Variants in ALMS1 observed in about 807,000 individuals in gnomAD.
The protein encoded by ALMS1 is ALMS1 centrosome and basal body associated protein.
ALMS1 carries 271 observed loss-of-function variants against 352.2 expected under a neutral mutation model. That is an observed-to-expected ratio of 0.77 (90% CI 0.70 to 0.85). The LOEUF (loss-of-function observed/expected upper bound fraction) is 0.85. Among genes scored for constraint, ALMS1 ranks in the 40% least tolerant of loss-of-function variants. The probability of loss-of-function intolerance (pLI) is 0.00; values close to 1 mark genes in which losing one functional copy is unlikely to be tolerated. For synonymous variants in ALMS1, 1,865 were observed against 1,761.2 expected, an observed-to-expected ratio of 1.06 and a Z score of -1.48; for missense variants, 5,445 against 4,870.7, an observed-to-expected ratio of 1.12 and a Z score of -3.51.
chr2:73,591,450 C>T (rs1675431936), intron 16 of ALMS1, among the ~76,000 whole-genome samples: 1 of 152,152 alleles, frequency 6.6e-6, no homozygotes, highest in Admixed American at 6.5e-5. Context: ...TTAAGCTAGA[C>T]TCCAATCAGT....
intron 9 of ALMS1, among the ~76,000 whole-genome samples, chr2:73,460,716 T>G (rs1180353363): frequency 2.6e-5 from 4 of 152,232 alleles, no homozygotes; most frequent in Non-Finnish European, 2.9e-5. Flanking sequence ...AGACGGCACC[T>G]GGAAAATCGC....
intron 10 of ALMS1, among the ~76,000 whole-genome samples, chr2:73,511,773 T>C (rs1673458986): frequency 6.6e-6 from 1 of 152,180 alleles, no homozygotes; most frequent in South Asian, 2.1e-4. Flanking sequence ...AAAGAAATGC[T>C]ACTGGTGTCT....
chr2:73,542,547 T>A (rs1488318589), intron 12 of ALMS1, among the ~76,000 whole-genome samples: 1 of 152,124 alleles, frequency 6.6e-6, no homozygotes, highest in African/African-American at 2.4e-5. Context: ...TAAAGGGTAT[T>A]CAATTAGGAA....
chr2:73,525,489 T>C (rs1469046804), intron 11 of ALMS1, among the ~76,000 whole-genome samples: 1 of 152,246 alleles, frequency 6.6e-6, no homozygotes, highest in Non-Finnish European at 1.5e-5. Context: ...TGAGATGGTA[T>C]CTCATTGTAG....
chr2:73,484,261 C>T (rs1453901704), intron 9 of ALMS1, among the ~76,000 whole-genome samples: 2 of 151,606 alleles, frequency 1.3e-5, no homozygotes, highest in African/African-American at 4.9e-5. Context: ...TCTTTTAGGG[C>T]AGGCCTAGTG....
intron 9 of ALMS1, chr2:73,458,822 A>G (rs1194067873): frequency 1.1e-4 from 16 of 152,188 alleles, no homozygotes; most frequent in Admixed American, 1.0e-3. Flanking sequence ...CGGGTAGTAA[A>G]TGCCTCCCAA....
At position 73,572,804 on chromosome 2, in the gene ALMS1, T is replaced by C; in HGVS notation, c.10927T>C (p.Ser3643Pro). 1.2e-6 allele frequency: 2 copies of C among 1,613,992 alleles called. No homozygotes were observed. Among genetic ancestry groups the C allele is most frequent in the Non-Finnish European group, 1.7e-6 (2 of 1,179,986 alleles). ...AKILQNPITH[S>P]LQVSESTHDD... ...AATTCTTCAGAATCCAATCACACAT[T>C]CTCTCCAGGTCTCAGAAAGTACACA... Residue 3643 changes from serine to proline, a missense_variant, in exon 16 of 23, where the codon TCT (serine) becomes CCT (proline). Physicochemically the swap from Ser to Pro is moderately conservative, Grantham distance 74. Coordinates refer to ENST00000613296, the MANE Select transcript of ALMS1 (RefSeq NM_001378454.1).
intron 2 of ALMS1, among the ~76,000 whole-genome samples, chr2:73,417,189 A>G (rs2103696466): frequency 6.6e-6 from 1 of 152,318 alleles, no homozygotes; most frequent in African/African-American, 2.4e-5. Flanking sequence ...CAAGAAATAG[A>G]GAAAAAATAG....
chr2:73,603,525 A>C, intron 21 of ALMS1: 1 of 538,758 alleles, frequency 1.9e-6, no homozygotes, highest in Non-Finnish European at 3.4e-6. Context: ...ACTAATTTGC[A>C]TGTCTTAGGC....
At chr2:73,574,606 C>T (rs1294265733) in intron 16 of ALMS1, among the ~76,000 whole-genome samples, 1 of 151,996 alleles carries the variant, frequency 6.6e-6, no homozygotes, top group Non-Finnish European at 1.5e-5. Flanking sequence ...TATTATTTCT[C>T]CTCATTGAGC....
chr2:73,542,488 A>T (rs1674207676), intron 12 of ALMS1, among the ~76,000 whole-genome samples: 1 of 152,230 alleles, frequency 6.6e-6, no homozygotes, highest in African/African-American at 2.4e-5. Context: ...ACTCCTATTC[A>T]ACACAGTGTT....
At chr2:73,532,335 A>T (rs1170582112) in intron 11 of ALMS1, among the ~76,000 whole-genome samples, 1 of 152,044 alleles carries the variant, frequency 6.6e-6, no homozygotes, top group African/African-American at 2.4e-5. Context: ...CAGGGTGGCG[A>T]TTTCCCCCTG....
In ALMS1 at chr2:73,573,438, GATTCC is replaced by G. The variant is rs2104108719; in HGVS notation, c.11547+17_11547+21del. ...AGACACATCCAGGTACATGGCTACA[GATTCC>G]ATCTGGCAATGTGACTGCCCTCTTC... On this transcript the variant is annotated intron_variant, in intron 16 of 22. Coordinates refer to ENST00000613296, the MANE Select transcript of ALMS1 (RefSeq NM_001378454.1). The G allele has an allele frequency of 1.2e-6, 2 of 1,613,540 alleles. No homozygotes were observed. The highest frequency in any genetic ancestry group is 1.7e-6 in the Non-Finnish European group (2 of 1,179,670).
At chr2:73,544,020 A>G (rs573676361) in intron 12 of ALMS1, among the ~76,000 whole-genome samples, 14 of 152,232 alleles carry the variant, frequency 9.2e-5, no homozygotes, top group Non-Finnish European at 1.9e-4. Flanking sequence ...AACTGGGTAT[A>G]TACCCAAAGG....
rs545748054 is a variant in ALMS1, at chr2:73,395,733, A to C, written c.324+9541A>C. Among the ~76,000 whole-genome samples the C allele has an allele frequency of 2.6e-5, 4 of 152,242 alleles. No individual in the cohort carries two copies. In the East Asian group the frequency reaches 7.7e-4, roughly 29 times the overall value. ...TGTAAAGATCATGTCAAGGGCAAAT[A>C]TATATAGCTTTATTTTTTCTTTCCA... is the stretch of plus-strand genomic sequence containing the variant. On this transcript the variant is annotated intron_variant, in intron 1 of 22. Coordinates refer to ENST00000613296, the MANE Select transcript of ALMS1 (RefSeq NM_001378454.1).
intron 1 of ALMS1, among the ~76,000 whole-genome samples, chr2:73,400,325 AT>A (rs534277273): frequency 1.3e-4 from 20 of 152,196 alleles, no homozygotes; most frequent in Non-Finnish European, 2.9e-4. Context: ...ACTTTTGTAC[AT>A]TGTTAAATTT....
chr2:73,487,431 C>G (rs940843620), intron 9 of ALMS1, among the ~76,000 whole-genome samples: 3 of 152,124 alleles, frequency 2.0e-5, no homozygotes, highest in African/African-American at 7.2e-5. Flanking sequence ...GCACCCACAT[C>G]TGGGTGAGGG....
chr2:73,418,437 C>T (rs942325573), intron 2 of ALMS1, among the ~76,000 whole-genome samples: 1 of 152,184 alleles, frequency 6.6e-6, no homozygotes, highest in Admixed American at 6.5e-5. Flanking sequence ...TCCCATGAAT[C>T]GGCCCAGCCC....
At chr2:73,465,726 C>G (rs554135861) in intron 9 of ALMS1, among the ~76,000 whole-genome samples, 1 of 149,738 alleles carries the variant, frequency 6.7e-6, no homozygotes, top group African/African-American at 2.5e-5. Flanking sequence ...AGAAAATTTT[C>G]GCAACCTACT....
Sources: gnomAD v4.1 joint callset for allele counts (sites outside exome capture counted in the v4.1 genomes callset) on GRCh38, gnomAD v4.1.1 for gene constraint, MANE v1.5 for transcripts, NCBI Gene and HGNC (gene_info 2026-07-23, HGNC 2026-07-21) for gene names.